ADARB2: variants seen among roughly 807,000 people sequenced by gnomAD.
ADARB2 encodes the protein adenosine deaminase RNA specific B2 (inactive), also known as inactive double-stranded RNA-specific editase B2.
ADARB2 carries 25 observed loss-of-function variants against 62.2 expected under a neutral mutation model. The observed-to-expected ratio is 0.40, with a 90% confidence interval of 0.29 to 0.56. The LOEUF is 0.56. Ranked by LOEUF, ADARB2 falls within the 20% of genes least tolerant of loss-of-function variation. The pLI is 0.43. For missense variants in ADARB2, 1,071 were observed against 1,077.4 expected (o/e 0.99, Z 0.08); for synonymous variants, 572 against 500.8 (o/e 1.14, Z -1.90).
At chr10:1,384,693 T>C (rs575756143) in intron 1 of ADARB2, among the ~76,000 whole-genome samples, 1 of 152,314 alleles carries the variant, frequency 6.6e-6, no homozygotes, top group African/African-American at 2.4e-5. Flanking sequence ...AAAGTGGACC[T>C]GGAGAAGAAC....
chr10:1,310,291 C>T (rs762101596), intron 3 of ADARB2, among the ~76,000 whole-genome samples: 34 of 152,200 alleles, frequency 2.2e-4, no homozygotes, highest in Admixed American at 7.9e-4. Context: ...TTAAAATATT[C>T]ACCAGTCCTG....
chr10:1,720,193 C>A (rs1835072755), intron 1 of ADARB2, among the ~76,000 whole-genome samples: 1 of 152,134 alleles, frequency 6.6e-6, no homozygotes, highest in African/African-American at 2.4e-5. Context: ...ATAATGCAGC[C>A]ATGAAAAAGA....
intron 3 of ADARB2, among the ~76,000 whole-genome samples, chr10:1,275,918 T>C (rs1485147416): frequency 6.6e-6 from 1 of 152,130 alleles, no homozygotes; most frequent in Non-Finnish European, 1.5e-5. Flanking sequence ...GTTGGACATT[T>C]GGCTTGGTTC....
chr10:1,495,158 T>C (rs1020901345), intron 1 of ADARB2, among the ~76,000 whole-genome samples: 2 of 152,216 alleles, frequency 1.3e-5, no homozygotes, highest in African/African-American at 4.8e-5. Context: ...TTAGTAGAAA[T>C]TGGTGAACTG....
intron 1 of ADARB2, among the ~76,000 whole-genome samples, chr10:1,566,063 CAAAAAAAAAAAAA>C (rs376967105): frequency 0.16 from 20,293 of 127,694 alleles, 2,526 homozygotes; most frequent in Non-Finnish European, 0.19. Context: ...CTCAGTCTAG[CAAAAAAAAAAAAA>C]AAAAAAAAAA....
At chr10:1,435,070 G>C (rs1830819617) in intron 1 of ADARB2, among the ~76,000 whole-genome samples, 1 of 152,246 alleles carries the variant, frequency 6.6e-6, no homozygotes, top group African/African-American at 2.4e-5. Context: ...GCACAGCACG[G>C]ACCTGGGTCC....
intron 1 of ADARB2, among the ~76,000 whole-genome samples, chr10:1,382,427 C>A (rs1832491213): frequency 6.6e-6 from 1 of 152,148 alleles, no homozygotes; most frequent in Non-Finnish European, 1.5e-5. Context: ...GCAATTATTT[C>A]CAAGAAAGGG....
At chr10:1,601,996 G>A (rs1236757813) in intron 1 of ADARB2, among the ~76,000 whole-genome samples, 1 of 84,560 alleles carries the variant, frequency 1.2e-5, no homozygotes, top group Non-Finnish European at 2.7e-5. Flanking sequence ...CTCCCTCAGA[G>A]ATGGACTCTT....
chr10:1,611,254 T>A (rs994345817), intron 1 of ADARB2, among the ~76,000 whole-genome samples: 1 of 152,158 alleles, frequency 6.6e-6, no homozygotes, highest in African/African-American at 2.4e-5. Context: ...CGATCTTTCT[T>A]CTTCTCCTGG....
At chr10:1,558,703 CTTCTGTGGGTGCTCAGCCCCCGCATG>C in intron 1 of ADARB2, among the ~76,000 whole-genome samples, 1 of 86,312 alleles carries the variant, frequency 1.2e-5, no homozygotes, top group Non-Finnish European at 2.6e-5. Context: ...CCTCTGCCCC[CTTCTGTGGGTGCTCAGCCCCCGCATG>C]CTCCATCTAA....
intron 5 of ADARB2, among the ~76,000 whole-genome samples, chr10:1,241,710 A>T (rs923896430): frequency 1.3e-5 from 2 of 152,184 alleles, no homozygotes; most frequent in Admixed American, 1.3e-4. Context: ...GCCTCTTCAC[A>T]TGTACTTGGC....
intron 1 of ADARB2, among the ~76,000 whole-genome samples, chr10:1,616,858 T>A (rs12778230): frequency 1.6e-4 from 20 of 128,446 alleles, no homozygotes; most frequent in East Asian, 1.0e-3. Context: ...CGCCCTGCTG[T>A]GCTCTGCATC....
chr10:1,392,175 G>GA (rs1213240371), intron 1 of ADARB2, among the ~76,000 whole-genome samples: 1 of 152,116 alleles, frequency 6.6e-6, no homozygotes, highest in Non-Finnish European at 1.5e-5. Flanking sequence ...TTCAAAAATT[G>GA]AAAGTGAGGT....
At position 1,635,597 on chromosome 10, in the gene ADARB2, C is replaced by T. The variant is rs7909592; in HGVS notation, c.100+101454G>A. Reference sequence around the variant, plus strand: ...GCCCCGCCCACTCTGAGCTTCCCTCCGTCGGGACAGCCTCACGTTGGATTA... The same window carrying T: ...GCCCCGCCCACTCTGAGCTTCCCTCTGTCGGGACAGCCTCACGTTGGATTA... On this transcript the variant is annotated intron_variant, in intron 1 of 9. Coordinates refer to ENST00000381312, the MANE Select transcript of ADARB2 (RefSeq NM_018702.4). Among the ~76,000 whole-genome samples, 9 of 152,188 alleles carry T rather than the reference C, an allele frequency of 5.9e-5. No homozygotes were observed. The East Asian group carries it at 1.2e-3, about 20-fold the overall frequency.
At chr10:1,626,910 C>T (rs1446798792) in intron 1 of ADARB2, among the ~76,000 whole-genome samples, 1 of 152,158 alleles carries the variant, frequency 6.6e-6, no homozygotes, top group African/African-American at 2.4e-5. Flanking sequence ...GCATCTCCTG[C>T]CTTCCCTCAT....
intron 1 of ADARB2, among the ~76,000 whole-genome samples, chr10:1,674,097 G>A (rs1219358991): frequency 6.6e-6 from 1 of 152,266 alleles, no homozygotes; most frequent in African/African-American, 2.4e-5. Flanking sequence ...CCTGAGGGCT[G>A]CAAGGAGGCC....
intron 1 of ADARB2, among the ~76,000 whole-genome samples, chr10:1,644,007 G>C (rs1378189851): frequency 6.6e-6 from 1 of 152,166 alleles, no homozygotes; most frequent in Non-Finnish European, 1.5e-5. Flanking sequence ...CCACACGGCT[G>C]TCTCCCGGCC....
At chr10:1,271,248 C>T (rs1318465300) in intron 3 of ADARB2, among the ~76,000 whole-genome samples, 179 bp from the exon 4 acceptor site, 1 of 152,162 alleles carries the variant, frequency 6.6e-6, no homozygotes, top group Non-Finnish European at 1.5e-5. Flanking sequence ...CCTGGCTGTG[C>T]CCCCAAAACT....
At position 1,570,797 on chromosome 10, in the gene ADARB2, C is replaced by T. The variant is rs559542756; in HGVS notation, c.100+166254G>A. 8.5e-5 allele frequency among the ~76,000 whole-genome samples: 13 copies of T among 152,198 alleles called. No individual in the cohort carries two copies. In the East Asian group the frequency reaches 1.9e-3, roughly 23 times the overall value. On this transcript the variant is annotated intron_variant, in intron 1 of 9. Coordinates refer to ENST00000381312, the MANE Select transcript of ADARB2 (RefSeq NM_018702.4). ...ATAGGAACCCACAGGGACAGGGGGG[C>T]GCTGGACCTGAGTGGGGACACAGAG...
Sources: allele counts gnomAD v4.1 joint callset (sites outside exome capture counted in the v4.1 genomes callset), GRCh38; gene constraint gnomAD v4.1.1; transcripts MANE v1.5; gene names NCBI Gene and HGNC (gene_info 2026-07-23, HGNC 2026-07-21).